Variants in AXIN2 observed in about 807,000 individuals in gnomAD.
The protein encoded by AXIN2 is axin-2.
A neutral mutation model predicts 74.7 loss-of-function variants in AXIN2; 21 were observed. The ratio of observed to expected loss-of-function variants is 0.28; its 90% CI spans 0.20 to 0.40. The LOEUF (loss-of-function observed/expected upper bound fraction) is 0.40. Ranked by LOEUF, AXIN2 falls within the 10% of genes least tolerant of loss-of-function variation. The pLI is 1.00. For synonymous variants in AXIN2, 532 were observed against 454.9 expected (o/e 1.17, Z -2.16); for missense variants, 1,144 against 1,111.1 (o/e 1.03, Z -0.42).
At chr17:65,544,794 G>A (rs546736132) in intron 3 of AXIN2, among the ~76,000 whole-genome samples, 20 of 152,240 alleles carry the variant, frequency 1.3e-4, no homozygotes, top group Non-Finnish European at 2.2e-4. Context: ...CATTTGAGCC[G>A]AGCCAATTAG....
rs1056425344 is a variant in AXIN2 at position 65,535,734 on chromosome 17, C to T, written c.2142-13G>A. ...GGCCACACAGCACCTGAGGACACAG[C>T]CAGGGCGAGGGATTTAGAGGTACAC... On this transcript the variant is annotated splice_polypyrimidine_tract_variant and intron_variant, in intron 8 of 10. Coordinates refer to ENST00000307078, the MANE Select transcript of AXIN2 (RefSeq NM_004655.4). 6.2e-7 allele frequency: 1 copy of T among 1,611,702 alleles called. No individual in the cohort carries two copies.
rs1322519354 is a variant in AXIN2 at position 65,558,195 on chromosome 17, G to A, written c.426C>T (p.Asn142=). The stretch of plus-strand genomic sequence containing the variant: ...GCTTCAGCTGCTTGGAGACAATGCT[G>A]TTGTTCTCAATGTACCTTTTGTAGA... ...KAIYKRYIEN[N]SIVSKQLKPA... is the part of the protein sequence containing the mutation. Residue 142 remains asparagine, a synonymous_variant, in exon 2 of 11, where the codon AAC becomes AAT. Coordinates refer to ENST00000307078, the MANE Select transcript of AXIN2 (RefSeq NM_004655.4). 2 of 1,613,980 alleles carry A rather than the reference G, an allele frequency of 1.2e-6. No homozygotes were observed. Among genetic ancestry groups the A allele is most frequent in the Non-Finnish European group, 1.7e-6 (2 of 1,180,032 alleles).
At chr17:65,552,882 G>A (rs1406279595) in intron 2 of AXIN2, among the ~76,000 whole-genome samples, 1 of 152,024 alleles carries the variant, frequency 6.6e-6, no homozygotes, top group Non-Finnish European at 1.5e-5. Context: ...TACAAAACTA[G>A]CCGGGCGTGG....
chr17:65,538,764 A>T (rs2043992512), intron 4 of AXIN2, among the ~76,000 whole-genome samples: 1 of 151,618 alleles, frequency 6.6e-6, no homozygotes, highest in Non-Finnish European at 1.5e-5. Context: ...AGTAGAATCT[A>T]AACAGAAAGA....
At position 65,529,621 on chromosome 17, in the gene AXIN2, C is replaced by A; in HGVS notation, c.*355G>T. ...GTTCTATAAATATCAGTAAGGATTC[C>A]TGTTCAGGTAAGCTATACACAGTTT... On this transcript the variant is annotated 3_prime_UTR_variant, in exon 11 of 11. Transcript: ENST00000307078. 1 of 405,312 alleles carries A rather than the reference C, an allele frequency of 2.5e-6. No homozygotes were observed. Among genetic ancestry groups the A allele is most frequent in the Non-Finnish European group, 4.6e-6 (1 of 217,778 alleles). The allele number at this position is 405,312 out of a possible 1,614,324, so 25.1% of individuals were successfully genotyped here. A position where few individuals can be genotyped will look rare whatever the true frequency, so the allele number is the denominator to read the frequency against.
intron 1 of AXIN2, among the ~76,000 whole-genome samples, chr17:65,559,059 C>A (rs1409590124): frequency 6.6e-6 from 1 of 152,118 alleles, no homozygotes; most frequent in Non-Finnish European, 1.5e-5. Flanking sequence ...CTTCCAAAAA[C>A]CCACTCGGCC....
chr17:65,537,819 C>A lies in AXIN2; in HGVS notation c.1217G>T (p.Gly406Val), dbSNP rs1487575935. 1.3e-6 allele frequency: 2 copies of A among 1,566,702 alleles called. No homozygotes were observed. Among genetic ancestry groups the A allele is most frequent in the East Asian group, 2.3e-5 (1 of 43,710 alleles). Residue 406 changes from glycine to valine, a missense_variant, in exon 6 of 11, where the codon GGC (glycine) becomes GTC (valine). By Grantham distance (109) the Gly-to-Val change is moderately radical. Transcript: ENST00000307078. ...QQIREDEERE[G>V]SELTLNSREG... ...CCGCGAATTGAGTGTGAGCTCGGAG[C>A]CCTCTCTCTCTTCATCCTGAAAGGG...
At chr17:65,551,679 G>A (rs560019151) in intron 2 of AXIN2, among the ~76,000 whole-genome samples, 13 of 152,260 alleles carry the variant, frequency 8.5e-5, no homozygotes, top group African/African-American at 1.4e-4. Context: ...AGGAGTTTGC[G>A]CTTGTTGGAG....
intron 3 of AXIN2, among the ~76,000 whole-genome samples, 183 bp from the exon 4 acceptor site, chr17:65,541,740 T>C (rs984063663): frequency 5.9e-5 from 9 of 152,178 alleles, no homozygotes; most frequent in Non-Finnish European, 1.0e-4. Flanking sequence ...AGGTCAAATT[T>C]AAATCCTGCC....
chr17:65,528,591 G>A lies in AXIN2; in HGVS notation c.*1385C>T. On this transcript the variant is annotated 3_prime_UTR_variant, in exon 11 of 11. Coordinates refer to ENST00000307078, the MANE Select transcript of AXIN2 (RefSeq NM_004655.4). Reference sequence around the variant, plus strand: ...TGAAAAATATAAAATTTTAATAAAGGCTACATCTCTTAATTACAATAATTA... The same window carrying A: ...TGAAAAATATAAAATTTTAATAAAGACTACATCTCTTAATTACAATAATTA... 1 of 479,028 alleles carries A rather than the reference G, an allele frequency of 2.1e-6. No individual in the cohort carries two copies. The highest frequency in any genetic ancestry group is 1.7e-5 in the South Asian group (1 of 57,802). The allele number at this position is 479,028 out of a possible 1,614,324, so 29.7% of individuals were successfully genotyped here.
intron 3 of AXIN2, among the ~76,000 whole-genome samples, chr17:65,547,134 T>TCC (rs1394471104): frequency 1.3e-5 from 2 of 152,192 alleles, no homozygotes; most frequent in East Asian, 3.8e-4. Flanking sequence ...AAGAAAGTTT[T>TCC]TCTTCTGGGA....
intron 6 of AXIN2, 108 bp downstream of exon 6, chr17:65,537,216 C>T (rs1410843897): frequency 2.5e-6 from 4 of 1,568,690 alleles, no homozygotes; most frequent in South Asian, 1.1e-5. Context: ...ACTCTGCCGC[C>T]CTCTTAGAAA....
intron 10 of AXIN2, 95 bp downstream of exon 10, chr17:65,533,816 CA>C: frequency 6.0e-6 from 7 of 1,172,292 alleles, no homozygotes; most frequent in East Asian, 5.8e-5. Flanking sequence ...CACCCTGCCC[CA>C]CCTAGGTCTG....
chr17:65,538,066 A>C, intron 5 of AXIN2, 137 bp downstream of exon 5: 5 of 1,493,336 alleles, frequency 3.3e-6, no homozygotes, highest in Non-Finnish European at 2.7e-6. Flanking sequence ...CCAGGCACAC[A>C]CCCACACGCA....
At position 65,536,980 on chromosome 17, in the gene AXIN2, G is replaced by A. The variant is rs1478055553; in HGVS notation, c.1796C>T (p.Ala599Val). Residue 599 changes from alanine (A) to valine (V), a missense_variant, in exon 7 of 11, where the codon GCC becomes GTC. Ala to Val is a moderately conservative substitution (Grantham distance 64, BLOSUM62 0). This residue lies in a region of AXIN2 where 1,053 missense variants were observed against 973.5 expected (regional missense o/e 1.08). Coordinates refer to ENST00000307078, the MANE Select transcript of AXIN2 (RefSeq NM_004655.4). ...CTGCAGGGCCCCAGCTCCGCCGGGGGCCCCTCCTTCCCTGGCGGGCAGGGC... is the reference window on the plus strand; with the variant it reads ...CTGCAGGGCCCCAGCTCCGCCGGGGACCCCTCCTTCCCTGGCGGGCAGGGC... Reference protein sequence around the residue: ...GLALPAREGGAPGGAGALQLP... With the variant: ...GLALPAREGGVPGGAGALQLP... 6.2e-7 allele frequency: 1 copy of A among 1,612,816 alleles called. No homozygotes were observed. The highest frequency in any genetic ancestry group is 1.8e-4 in the Middle Eastern group (1 of 5,554).
chr17:65,528,913 G>GT lies in AXIN2; in HGVS notation c.*1062dup. On this transcript the variant is annotated 3_prime_UTR_variant, in exon 11 of 11. Coordinates refer to ENST00000307078, the MANE Select transcript of AXIN2 (RefSeq NM_004655.4). ...CACTATATACAGATGTATAGTACAAGTAACAATGGCAAACAGAATGTACAG... is the reference window on the plus strand; with the variant it reads ...CACTATATACAGATGTATAGTACAAGTTAACAATGGCAAACAGAATGTACAG... The GT allele has an allele frequency of 3.2e-6, 1 of 312,718 alleles. No individual in the cohort carries two copies. The highest frequency in any genetic ancestry group is 5.9e-6 in the Non-Finnish European group (1 of 168,796). 19.4% of individuals were successfully genotyped at this position (312,718 alleles called of 1,614,324 possible).
At chr17:65,535,573 C>G (rs2043896179) in intron 9 of AXIN2, 53 bp downstream of exon 9, 3 of 1,557,498 alleles carry the variant, frequency 1.9e-6, no homozygotes, top group African/African-American at 2.7e-5. Flanking sequence ...AGCGAATATT[C>G]TGAAACATAA....
intron 3 of AXIN2, among the ~76,000 whole-genome samples, chr17:65,549,166 C>T (rs1218165573): frequency 6.6e-6 from 1 of 152,174 alleles, no homozygotes; most frequent in Non-Finnish European, 1.5e-5. Flanking sequence ...CTGGACCAGC[C>T]AAGCAACTGT....
At chr17:65,544,937 T>A (rs2044096810) in intron 3 of AXIN2, among the ~76,000 whole-genome samples, 1 of 152,198 alleles carries the variant, frequency 6.6e-6, no homozygotes, top group East Asian at 1.9e-4. Context: ...CAGCCTCTGA[T>A]CACAGCCAAC....
Sources: allele counts gnomAD v4.1 joint callset (sites outside exome capture counted in the v4.1 genomes callset), GRCh38; gene constraint gnomAD v4.1.1; regional missense constraint gnomAD v4.1.1; transcripts MANE v1.5; gene names NCBI Gene and HGNC (gene_info 2026-07-23, HGNC 2026-07-21).